GPRIN3: variants seen among roughly 807,000 people sequenced by gnomAD.
GPRIN3 encodes GPRIN family member 3.
A neutral mutation model predicts 13.7 loss-of-function variants in GPRIN3; 12 were observed. The ratio of observed to expected loss-of-function variants is 0.87; its 90% CI spans 0.56 to 1.42. The LOEUF (loss-of-function observed/expected upper bound fraction) is 1.42, where lower values mean the gene tolerates loss of function less well. Among genes scored for constraint, GPRIN3 ranks in the 40% most tolerant of loss-of-function variants. GPRIN3 has a pLI of 0.00. For missense variants in GPRIN3, 1,009 were observed against 958.7 expected (o/e 1.05, Z -0.69); for synonymous variants, 377 against 372.7 (o/e 1.01, Z -0.13).
At chr4:89,299,136 T>C (rs1724821467) in intron 1 of GPRIN3, among the ~76,000 whole-genome samples, 1 of 152,190 alleles carries the variant, frequency 6.6e-6, no homozygotes, top group Non-Finnish European at 1.5e-5. Flanking sequence ...TTATATATTA[T>C]CAACCCATTT....
intron 1 of GPRIN3, among the ~76,000 whole-genome samples, chr4:89,286,734 G>A (rs1724427139): frequency 6.6e-6 from 1 of 152,068 alleles, no homozygotes; most frequent in Non-Finnish European, 1.5e-5. Flanking sequence ...AAGACACCAA[G>A]ACACTTAAAA....
chr4:89,252,513 T>C (rs985383504), intron 1 of GPRIN3, among the ~76,000 whole-genome samples: 2 of 152,192 alleles, frequency 1.3e-5, no homozygotes, highest in African/African-American at 2.4e-5. Flanking sequence ...TGATGAATAA[T>C]ACATCAAACT....
rs61741093 is a variant in GPRIN3, at chr4:89,250,044, C to T, written c.67G>A (p.Asp23Asn). 1,182 of 1,614,202 alleles carry T rather than the reference C, an allele frequency of 7.3e-4. 7 individuals carry two copies. In the African/African-American group the frequency reaches 0.015, roughly 20 times the overall value. ...GCAGCCTGTGGCTCTCCTAGATCGT[C>T]TTCTTTTCCGGAAGCTGCAATCAGG... ...TSLIAASGKE[D>N]DLGEPQAASP... Residue 23 changes from aspartate (D) to asparagine (N), a missense_variant, in exon 2 of 2, where the codon GAC (aspartate) becomes AAC (asparagine). Transcript: ENST00000609438.
At chr4:89,254,099 C>A (rs1229507088) in intron 1 of GPRIN3, among the ~76,000 whole-genome samples, 1 of 134,818 alleles carries the variant, frequency 7.4e-6, no homozygotes, top group East Asian at 2.0e-4. Flanking sequence ...CTTAATGAGT[C>A]CCTTCTACAG....
intron 1 of GPRIN3, among the ~76,000 whole-genome samples, chr4:89,305,337 A>C (rs1725005997): frequency 1.3e-5 from 2 of 152,072 alleles, no homozygotes; most frequent in Non-Finnish European, 2.9e-5. Context: ...CCTCCACAGC[A>C]CCCTGTCAGG....
intron 1 of GPRIN3, among the ~76,000 whole-genome samples, chr4:89,263,005 T>C (rs1424428043): frequency 1.3e-5 from 2 of 152,260 alleles, no homozygotes; most frequent in Admixed American, 6.5e-5. Flanking sequence ...ATTTTGGGAA[T>C]TGACTAAATG....
At position 89,248,145 on chromosome 4, in the gene GPRIN3, C is replaced by T. The variant is rs759137007; in HGVS notation, c.1966G>A (p.Val656Ile). The T allele has an allele frequency of 5.6e-6, 9 of 1,614,110 alleles. No individual in the cohort carries two copies. In the South Asian group the frequency reaches 9.9e-5, roughly 18 times the overall value. Residue 656 changes from valine to isoleucine, a missense_variant, in exon 2 of 2, where the codon GTA (valine) becomes ATA (isoleucine). Physicochemically the swap from Val to Ile is conservative, Grantham distance 29 (BLOSUM62 3). Coordinates refer to ENST00000609438, the MANE Select transcript of GPRIN3 (RefSeq NM_198281.3). ...KLNVTAAAAQ[V>I]GLTPGDKKKQ... ...TTCTTATCTCCTGGAGTGAGTCCTA[C>T]CTGAGCAGCAGCTGCTGTCACATTT... is the stretch of plus-strand genomic sequence containing the variant.
intron 1 of GPRIN3, among the ~76,000 whole-genome samples, chr4:89,268,861 T>C (rs1723852297): frequency 1.3e-5 from 2 of 152,068 alleles, no homozygotes; most frequent in Non-Finnish European, 2.9e-5. Flanking sequence ...TCGGCACTTT[T>C]CCCCCAGAAA....
In GPRIN3 at chr4:89,299,342, GT is replaced by G. The variant is rs542328085; in HGVS notation, c.-124+8272del. On this transcript the variant is annotated intron_variant, in intron 1 of 1. Coordinates refer to ENST00000609438, the MANE Select transcript of GPRIN3 (RefSeq NM_198281.3). ...AGGATTAATAATTAGATGAGGGGAT[GT>G]TTTTAGAAATAAAGTAGGAGGCACG... is the stretch of plus-strand genomic sequence containing the variant. Among the ~76,000 whole-genome samples the G allele has an allele frequency of 1.1e-4, 17 of 152,258 alleles. No individual in the cohort carries two copies. The East Asian group carries it at 2.9e-3, about 26-fold the overall frequency.
intron 1 of GPRIN3, among the ~76,000 whole-genome samples, chr4:89,272,852 A>G (rs1432924214): frequency 1.3e-5 from 2 of 152,192 alleles, no homozygotes; most frequent in Non-Finnish European, 2.9e-5. Context: ...ACTGAAACTC[A>G]CCAAATTGAT....
At chr4:89,253,401 G>A (rs144867158) in intron 1 of GPRIN3, among the ~76,000 whole-genome samples, 1 of 152,314 alleles carries the variant, frequency 6.6e-6, no homozygotes, top group African/African-American at 2.4e-5. Flanking sequence ...TTATGTGTCT[G>A]TAACCCAGGT....
At chr4:89,270,391 T>C (rs1004712413) in intron 1 of GPRIN3, among the ~76,000 whole-genome samples, 5 of 151,426 alleles carry the variant, frequency 3.3e-5, no homozygotes, top group African/African-American at 1.2e-4. Flanking sequence ...CTTATCAAAG[T>C]TGCCAGACAA....
intron 1 of GPRIN3, among the ~76,000 whole-genome samples, chr4:89,292,211 G>C (rs752620050): frequency 6.6e-6 from 1 of 151,984 alleles, no homozygotes; most frequent in African/African-American, 2.4e-5. Flanking sequence ...GTCAATTGTG[G>C]AACACCAAAA....
rs1023720828 is a variant in GPRIN3 at position 89,245,834 on chromosome 4, AGTAATTTGCTTG to A, written c.*1934_*1945del. On this transcript the variant is annotated 3_prime_UTR_variant, in exon 2 of 2. Coordinates refer to ENST00000609438, the MANE Select transcript of GPRIN3 (RefSeq NM_198281.3). ...TTAGGCTAAATCTCTAATCATTAAT[AGTAATTTGCTTG>A]GTAATTTGATGGAAATTTCAACATT... 1.5e-4 allele frequency: 22 copies of A among 143,066 alleles called. No homozygotes were observed. The highest frequency in any genetic ancestry group is 1.5e-5 in the Non-Finnish European group (1 of 65,658). The allele number at this position is 143,066 out of a possible 1,614,324, so 8.9% of individuals were successfully genotyped here.
chr4:89,288,867 G>A (rs574793373), intron 1 of GPRIN3, among the ~76,000 whole-genome samples: 29 of 152,098 alleles, frequency 1.9e-4, no homozygotes, highest in African/African-American at 6.8e-4. Context: ...CAGCACTGTC[G>A]CTTATTTACT....
At chr4:89,283,163 C>T (rs1400720292) in intron 1 of GPRIN3, among the ~76,000 whole-genome samples, 1 of 152,134 alleles carries the variant, frequency 6.6e-6, no homozygotes, top group African/African-American at 2.4e-5. Context: ...TTCTTATTCA[C>T]TCAATTCATG....
At chr4:89,273,695 A>C (rs1724020718) in intron 1 of GPRIN3, among the ~76,000 whole-genome samples, 1 of 152,212 alleles carries the variant, frequency 6.6e-6, no homozygotes, top group South Asian at 2.1e-4. Context: ...CAAAAAACAA[A>C]CAGACAAACA....
At chr4:89,256,403 T>C (rs1283894812) in intron 1 of GPRIN3, among the ~76,000 whole-genome samples, 2 of 152,112 alleles carry the variant, frequency 1.3e-5, no homozygotes, top group South Asian at 2.1e-4. Context: ...ATTCTGAAAA[T>C]AGTGAGTTCC....
chr4:89,248,281 A>T lies in GPRIN3; in HGVS notation c.1830T>A (p.Asp610Glu). 1 of 1,614,052 alleles carries T rather than the reference A, an allele frequency of 6.2e-7. No homozygotes were observed. The highest frequency in any genetic ancestry group is 1.7e-5 in the Admixed American group (1 of 59,994). Residue 610 changes from aspartate to glutamate, a missense_variant, in exon 2 of 2, where the codon GAT (aspartate) becomes GAA (glutamate). Asp to Glu is a conservative substitution (Grantham distance 45, BLOSUM62 2). Transcript: ENST00000609438. ...AACCTGGGCTGGAGTCACCCATGGG[A>T]TCAGATGGCAGGCTCAGGCTGGTGG... is the stretch of plus-strand genomic sequence containing the variant. Reference protein sequence around the residue: ...KTATSLSLPSDPMGDSSPGSG... With the variant: ...KTATSLSLPSEPMGDSSPGSG...
Sources: gnomAD v4.1 joint callset for allele counts (sites outside exome capture counted in the v4.1 genomes callset) on GRCh38, gnomAD v4.1.1 for gene constraint, MANE v1.5 for transcripts, NCBI Gene and HGNC (gene_info 2026-07-23, HGNC 2026-07-21) for gene names.